ARID4A: variants seen among roughly 807,000 people sequenced by gnomAD.
ARID4A encodes AT-rich interaction domain 4A.
In ARID4A, 39 loss-of-function variants were observed where a neutral mutation model predicts 148.6. That is an observed-to-expected ratio of 0.26 (90% CI 0.20 to 0.34). The LOEUF is 0.34. Ranked by LOEUF, ARID4A falls within the 10% of genes least tolerant of loss-of-function variation. The pLI, the probability that ARID4A is intolerant of heterozygous loss-of-function variation, is 1.00. For missense variants in ARID4A, 1,265 were observed against 1,449.1 expected (o/e 0.87, Z 2.06); for synonymous variants, 475 against 481.2 (o/e 0.99, Z 0.17).
intron 17 of ARID4A, among the ~76,000 whole-genome samples, chr14:58,357,637 A>G (rs918769095): frequency 2.3e-5 from 3 of 131,230 alleles, no homozygotes; most frequent in African/African-American, 8.5e-5. Flanking sequence ...TTTTTAGCTC[A>G]TCAGCTATCG....
intron 15 of ARID4A, among the ~76,000 whole-genome samples, chr14:58,348,254 T>C (rs1185236649): frequency 6.6e-6 from 1 of 152,216 alleles, no homozygotes; most frequent in Non-Finnish European, 1.5e-5. Flanking sequence ...AATTTACTTA[T>C]TTATTCTGTT....
intron 11 of ARID4A, among the ~76,000 whole-genome samples, chr14:58,339,701 G>T (rs2034011331): frequency 6.6e-6 from 1 of 152,110 alleles, no homozygotes; most frequent in East Asian, 1.9e-4. Context: ...AAAGAACTTT[G>T]TTAGATTGGG....
chr14:58,328,215 C>G (rs1430437268), intron 8 of ARID4A, 22 bp from the exon 9 acceptor site: 1 of 1,487,834 alleles, frequency 6.7e-7, no homozygotes, highest in Admixed American at 1.7e-5. Flanking sequence ...AGGAATCAAT[C>G]TGTTCTTATT....
At position 58,371,901 on chromosome 14, in the gene ARID4A, C is replaced by A. The variant is rs757172569; in HGVS notation, c.3686C>A (p.Ala1229Asp). ...KKDREVSHAG[A>D]SMSSASSDTG... ...GATTCCACAGTGTCTCATGCGGGAGCCTCCATGTCATCTGCTTCATCAGAC... is the reference window on the plus strand; with the variant it reads ...GATTCCACAGTGTCTCATGCGGGAGACTCCATGTCATCTGCTTCATCAGAC... Residue 1229 changes from alanine to aspartate, a missense_variant, in exon 24 of 24, where the codon GCC becomes GAC. Ala to Asp is a moderately radical substitution (Grantham distance 126). Coordinates refer to ENST00000355431, the MANE Select transcript of ARID4A (RefSeq NM_002892.4). 3.1e-6 allele frequency: 5 copies of A among 1,613,056 alleles called. No individual in the cohort carries two copies. Among genetic ancestry groups the A allele is most frequent in the Non-Finnish European group, 4.2e-6 (5 of 1,179,152 alleles).
rs2035667876 is a variant in ARID4A at position 58,372,878 on chromosome 14, G to A, written c.*889G>A. The A allele has an allele frequency of 5.6e-6, 1 of 179,176 alleles. No homozygotes were observed. The allele number at this position is 179,176 out of a possible 1,614,324, so 11.1% of individuals were successfully genotyped here. A position where few individuals can be genotyped will look rare whatever the true frequency, so the allele number is the denominator to read the frequency against. On this transcript the variant is annotated 3_prime_UTR_variant, in exon 24 of 24. Coordinates refer to ENST00000355431, the MANE Select transcript of ARID4A (RefSeq NM_002892.4). ...GTTAAATATATTTATTCAGACATTG[G>A]ATGTTGTATTTTTATGTATTTTTTA...
chr14:58,351,400 G>C, intron 16 of ARID4A, 77 bp downstream of exon 16: 4 of 1,517,778 alleles, frequency 2.6e-6, no homozygotes, highest in Non-Finnish European at 3.5e-6. Flanking sequence ...TAGAGATTCA[G>C]GTTTGAGGGA....
chr14:58,320,246 T>C (rs1231589396), intron 7 of ARID4A, among the ~76,000 whole-genome samples: 2 of 151,996 alleles, frequency 1.3e-5, no homozygotes, highest in Non-Finnish European at 2.9e-5. Context: ...ACACCCGGCC[T>C]ATACTAATTA....
intron 19 of ARID4A, among the ~76,000 whole-genome samples, chr14:58,362,012 T>C (rs2035153452): frequency 6.6e-6 from 1 of 152,202 alleles, no homozygotes; most frequent in African/African-American, 2.4e-5. Context: ...GAATACTTTT[T>C]CTCATAAGTA....
chr14:58,338,743 T>C (rs2033955675), intron 11 of ARID4A, among the ~76,000 whole-genome samples: 1 of 152,066 alleles, frequency 6.6e-6, no homozygotes, highest in Non-Finnish European at 1.5e-5. Flanking sequence ...TTTAGTGTTA[T>C]AAATCATTAT....
Position 58,372,025 on chromosome 14 carries a change from C to T in ARID4A, c.*36C>T, listed in dbSNP as rs764925219. The T allele has an allele frequency of 4.8e-6, 7 of 1,449,206 alleles. No homozygotes were observed. Among genetic ancestry groups the T allele is most frequent in the Non-Finnish European group, 6.8e-6 (7 of 1,034,756 alleles). 89.8% of individuals were successfully genotyped at this position (1,449,206 alleles called of 1,614,324 possible). A position where few individuals can be genotyped will look rare whatever the true frequency, so the allele number is the denominator to read the frequency against. On this transcript the variant is annotated 3_prime_UTR_variant, in exon 24 of 24. Coordinates refer to ENST00000355431, the MANE Select transcript of ARID4A (RefSeq NM_002892.4). ...CTCTACCTTCCCAGCAGTTTGCTGC[C>T]ATGGACATAAATCCCCAAACCCTGA... is the stretch of plus-strand genomic sequence containing the variant.
Position 58,347,813 on chromosome 14 carries a change from C to T in ARID4A, c.1339C>T (p.Pro447Ser), listed in dbSNP as rs1456717869. 2 of 1,613,384 alleles carry T rather than the reference C, an allele frequency of 1.2e-6. No individual in the cohort carries two copies. The highest frequency in any genetic ancestry group is 2.7e-5 in the African/African-American group (2 of 74,814). ...GCCTTTAACAGAAGTGAAGAGTGAACCTGAGGAAAATATCGATTCAAACAG... is the reference window on the plus strand; with the variant it reads ...GCCTTTAACAGAAGTGAAGAGTGAATCTGAGGAAAATATCGATTCAAACAG... ...EMPLTEVKSEPEENIDSNSES... is the reference protein window; with the variant it reads ...EMPLTEVKSESEENIDSNSES... Residue 447 changes from proline (P) to serine (S), a missense_variant, in exon 15 of 24, where the codon CCT becomes TCT. Physicochemically the swap from Pro to Ser is moderately conservative, Grantham distance 74 (BLOSUM62 -1). Transcript: ENST00000355431.
rs376977576 is a variant in ARID4A at position 58,318,638 on chromosome 14, G to A, written c.354+17G>A. ...GAGAGTGAGGTAGGGTGACACGGAT[G>A]GACGATTTGGATTGAACTACAGGTA... On this transcript the variant is annotated intron_variant, in intron 6 of 23. Coordinates refer to ENST00000355431, the MANE Select transcript of ARID4A (RefSeq NM_002892.4). 5.4e-5 allele frequency: 87 copies of A among 1,613,806 alleles called. No homozygotes were observed. The highest frequency in any genetic ancestry group is 6.5e-5 in the Non-Finnish European group (77 of 1,179,852).
Position 58,301,593 on chromosome 14 carries a change from C to T in ARID4A, c.20C>T (p.Pro7Leu). ...TCCTTTCACCAGGCGGCAGATGAGC[C>T]TGCCTACCTGACAGTGGGAACCGAT... MKAADE[P>L]AYLTVGTDVS... The change falls in exon 3 of 24, where the codon CCT becomes CTT. Residue 7 changes from proline (P) to leucine (L), a missense_variant. This residue lies in a region of ARID4A where 22 missense variants were observed against 43.8 expected (regional missense o/e 0.50). Transcript: ENST00000355431. The T allele has an allele frequency of 6.2e-7, 1 of 1,613,836 alleles. No homozygotes were observed. The highest frequency in any genetic ancestry group is 8.5e-7 in the Non-Finnish European group (1 of 1,179,870).
chr14:58,343,488 C>T (rs1035180264), intron 11 of ARID4A, among the ~76,000 whole-genome samples: 6 of 152,162 alleles, frequency 3.9e-5, no homozygotes, highest in Admixed American at 3.3e-4. Context: ...GAAGACTCAA[C>T]ATTTATTGCT....
At chr14:58,334,590 C>T (rs2033702327) in intron 11 of ARID4A, among the ~76,000 whole-genome samples, 1 of 152,136 alleles carries the variant, frequency 6.6e-6, no homozygotes, top group Non-Finnish European at 1.5e-5. Context: ...ACCAATAATC[C>T]TATACCCACT....
chr14:58,330,218 T>G lies in ARID4A; in HGVS notation c.906+49T>G, dbSNP rs187287031. Reference sequence around the variant, plus strand: ...ACAAAAACATCTTAATACTCTCTAGTGAAAATAATACCTTCATATATTTTT... The same window carrying G: ...ACAAAAACATCTTAATACTCTCTAGGGAAAATAATACCTTCATATATTTTT... On this transcript the variant is annotated intron_variant, in intron 11 of 23. Coordinates refer to ENST00000355431, the MANE Select transcript of ARID4A (RefSeq NM_002892.4). 4 of 1,577,278 alleles carry G rather than the reference T, an allele frequency of 2.5e-6. No homozygotes were observed. The Admixed American group carries it at 6.2e-5, about 24-fold the overall frequency.
chr14:58,317,192 CAAA>C (rs575688131), intron 5 of ARID4A, among the ~76,000 whole-genome samples: 1 of 59,748 alleles, frequency 1.7e-5, no homozygotes, highest in African/African-American at 6.1e-5. Flanking sequence ...GACTCAGTCT[CAAA>C]AAAAAAAAAA....
intron 7 of ARID4A, among the ~76,000 whole-genome samples, chr14:58,319,745 G>C (rs965663099): frequency 6.7e-6 from 1 of 150,374 alleles, no homozygotes; most frequent in African/African-American, 2.4e-5. Flanking sequence ...GTTTCGCTTT[G>C]TTGGCCAAAT....
Position 58,301,804 on chromosome 14 carries a change from C to A in ARID4A, c.117+114C>A. On this transcript the variant is annotated intron_variant, in intron 3 of 23. Transcript: ENST00000355431. ...TCATTATATGAAAACCCTTTATATA[C>A]CAAACTTAAAGGAAAAGCACATCAA... is the stretch of plus-strand genomic sequence containing the variant. The A allele has an allele frequency of 1.2e-5, 7 of 596,660 alleles. No homozygotes were observed. In the South Asian group the frequency reaches 1.3e-4, roughly 12 times the overall value. 37.0% of individuals were successfully genotyped at this position (596,660 alleles called of 1,614,324 possible).
Sources: gnomAD v4.1 joint callset for allele counts (sites outside exome capture counted in the v4.1 genomes callset) on GRCh38, gnomAD v4.1.1 for gene constraint, gnomAD v4.1.1 regional missense constraint, MANE v1.5 for transcripts, NCBI Gene and HGNC (gene_info 2026-07-23, HGNC 2026-07-21) for gene names.